RALGPS1: variants seen among roughly 807,000 people sequenced by gnomAD.
The protein encoded by RALGPS1 is Ral GEF with PH domain and SH3 binding motif 1.
In RALGPS1, 19 loss-of-function variants were observed where a neutral mutation model predicts 78.8. The observed-to-expected ratio is 0.24, with a 90% CI of 0.17 to 0.35. RALGPS1 has a LOEUF of 0.35. Among genes scored for constraint, RALGPS1 ranks in the 10% least tolerant of loss-of-function variants. RALGPS1 has a pLI of 1.00. For synonymous variants in RALGPS1, 228 were observed against 256.3 expected (o/e 0.89, Z 1.06); for missense variants, 454 against 688.3 (o/e 0.66, Z 3.81).
At chr9:126,960,155 T>C (rs1010437215) in intron 1 of RALGPS1, among the ~76,000 whole-genome samples, 2 of 144,590 alleles carry the variant, frequency 1.4e-5, no homozygotes, top group Admixed American at 6.9e-5. Flanking sequence ...CTTCCCTTTC[T>C]TCCCTTCCTT....
At chr9:127,014,722 T>C (rs2044659945) in intron 4 of RALGPS1, among the ~76,000 whole-genome samples, 1 of 152,104 alleles carries the variant, frequency 6.6e-6, no homozygotes, top group South Asian at 2.1e-4. Context: ...TGAGACAGCC[T>C]TCAGTCCCTG....
At chr9:127,096,343 G>A (rs1266058513) in intron 8 of RALGPS1, among the ~76,000 whole-genome samples, 2 of 152,274 alleles carry the variant, frequency 1.3e-5, no homozygotes, top group Non-Finnish European at 2.9e-5. Flanking sequence ...TACCAAGTCA[G>A]CAGCACAGGA....
chr9:127,069,843 A>T (rs1001679131), intron 8 of RALGPS1: 1 of 152,462 alleles, frequency 6.6e-6, no homozygotes, highest in Non-Finnish European at 1.5e-5. Flanking sequence ...TCTCACCTAA[A>T]GATATTTGCT....
intron 9 of RALGPS1, 69 bp downstream of exon 9, chr9:127,166,275 G>A: frequency 6.4e-7 from 1 of 1,569,306 alleles, no homozygotes; most frequent in Admixed American, 1.9e-5. Flanking sequence ...CAGTGAGAAA[G>A]CTCTAGAAAC....
chr9:126,963,893 A>G (rs186786269), intron 2 of RALGPS1, among the ~76,000 whole-genome samples: 117 of 152,350 alleles, frequency 7.7e-4, no homozygotes, highest in Admixed American at 1.7e-3. Flanking sequence ...GTATAGAAGT[A>G]TAGAACGGTT....
chr9:127,100,492 G>T (rs531274565), intron 8 of RALGPS1, among the ~76,000 whole-genome samples: 2 of 152,334 alleles, frequency 1.3e-5, no homozygotes, highest in African/African-American at 4.8e-5. Context: ...GGGCTTTAAA[G>T]ACATTTTAAA....
chr9:127,180,986 G>A (rs1282005121), intron 11 of RALGPS1, among the ~76,000 whole-genome samples: 1 of 152,232 alleles, frequency 6.6e-6, no homozygotes, highest in Non-Finnish European at 1.5e-5. Context: ...CCTCCTGCAG[G>A]GCAGCTGGCT....
chr9:127,160,821 A>G (rs1223310497), intron 8 of RALGPS1, among the ~76,000 whole-genome samples: 2 of 152,358 alleles, frequency 1.3e-5, no homozygotes, highest in East Asian at 3.9e-4. Context: ...ATCTTGGCCA[A>G]TTGAAACTAA....
intron 14 of RALGPS1, among the ~76,000 whole-genome samples, chr9:127,202,294 ACT>A (rs1256817460): frequency 6.6e-6 from 1 of 151,968 alleles, no homozygotes; most frequent in Non-Finnish European, 1.5e-5. Context: ...CAGGGGTGAG[ACT>A]CTGCATGCCC....
At chr9:127,114,432 A>G (rs1317613664) in intron 8 of RALGPS1, among the ~76,000 whole-genome samples, 1 of 152,214 alleles carries the variant, frequency 6.6e-6, no homozygotes, top group East Asian at 1.9e-4. Context: ...ATAAAGAGAA[A>G]CCAAAGTGCC....
chr9:126,950,583 T>A (rs956595266), intron 1 of RALGPS1, among the ~76,000 whole-genome samples: 5 of 151,876 alleles, frequency 3.3e-5, no homozygotes, highest in African/African-American at 1.2e-4. Context: ...CATAACGAAA[T>A]GAAGGCAGAA....
chr9:127,170,179 G>A (rs1036372159), intron 10 of RALGPS1, among the ~76,000 whole-genome samples: 4 of 152,014 alleles, frequency 2.6e-5, no homozygotes, highest in African/African-American at 4.8e-5. Context: ...CAACCCCCAC[G>A]TTACCCACAG....
At chr9:127,010,877 A>T (rs1324383458) in intron 4 of RALGPS1, among the ~76,000 whole-genome samples, 1 of 152,220 alleles carries the variant, frequency 6.6e-6, no homozygotes, top group East Asian at 1.9e-4. Context: ...GAGAGAGCTC[A>T]TTCTACAGTT....
At chr9:127,086,347 A>G (rs985009509) in intron 8 of RALGPS1, among the ~76,000 whole-genome samples, 1 of 152,198 alleles carries the variant, frequency 6.6e-6, no homozygotes, top group Non-Finnish European at 1.5e-5. Flanking sequence ...ATGTCCATCC[A>G]TAGTGCACAC....
chr9:127,129,501 G>GGGTTAC (rs2056862748), intron 8 of RALGPS1, among the ~76,000 whole-genome samples: 1 of 152,150 alleles, frequency 6.6e-6, no homozygotes, highest in African/African-American at 2.4e-5. Context: ...CCAAAGACCA[G>GGGTTAC]CCAAGCTGTT....
intron 7 of RALGPS1, among the ~76,000 whole-genome samples, chr9:127,054,427 G>A (rs1203296486): frequency 6.6e-6 from 1 of 152,158 alleles, no homozygotes; most frequent in Non-Finnish European, 1.5e-5. Flanking sequence ...CCTATAAGCT[G>A]TACAGTTGGT....
At chr9:127,168,935 C>T (rs181813533) in intron 10 of RALGPS1, among the ~76,000 whole-genome samples, 163 bp downstream of exon 10, 57 of 152,380 alleles carry the variant, frequency 3.7e-4, no homozygotes, top group Admixed American at 1.1e-3. Flanking sequence ...CACACACAAG[C>T]ACACGCGTGC....
intron 14 of RALGPS1, chr9:127,210,863 C>A: frequency 1.7e-6 from 2 of 1,184,914 alleles, no homozygotes; most frequent in Admixed American, 4.3e-5. Context: ...CTAGAGGCTG[C>A]CGAAAGAAAC....
chr9:127,068,868 A>G (rs1053100557), intron 7 of RALGPS1, among the ~76,000 whole-genome samples: 24 of 152,196 alleles, frequency 1.6e-4, no homozygotes, highest in African/African-American at 5.8e-4. Context: ...AATTTCTAGA[A>G]AAAGGGTGGT....
Sources: gnomAD v4.1 joint callset for allele counts (sites outside exome capture counted in the v4.1 genomes callset) on GRCh38, gnomAD v4.1.1 for gene constraint, MANE v1.5 for transcripts, NCBI Gene and HGNC (gene_info 2026-07-23, HGNC 2026-07-21) for gene names.